PM20D1: variants seen among roughly 807,000 people sequenced by gnomAD.
The protein encoded by PM20D1 is peptidase M20 domain containing 1.
A neutral mutation model predicts 53.8 loss-of-function variants in PM20D1; 53 were observed. That is an observed-to-expected ratio of 0.98 (90% CI 0.79 to 1.24). PM20D1 has a LOEUF of 1.24. Among genes scored for constraint, PM20D1 ranks in the 50% most tolerant of loss-of-function variants. The probability of loss-of-function intolerance (pLI) is 0.00; values close to 1 mark genes in which losing one functional copy is unlikely to be tolerated. For missense variants in PM20D1, 564 were observed against 616.8 expected, an observed-to-expected ratio of 0.91 and a Z score of 0.91; for synonymous variants, 239 against 241.3, an observed-to-expected ratio of 0.99 and a Z score of 0.09.
At chr1:205,842,316 T>G in intron 7 of PM20D1, 101 bp from the exon 8 acceptor site, 1 of 1,093,256 alleles carries the variant, frequency 9.1e-7, no homozygotes, top group South Asian at 1.3e-5. Flanking sequence ...CAGGGGCCCT[T>G]AGCAGTCAGG....
chr1:205,834,501 C>G (rs1041999306), intron 10 of PM20D1, among the ~76,000 whole-genome samples: 4 of 152,120 alleles, frequency 2.6e-5, no homozygotes, highest in African/African-American at 9.7e-5. Context: ...GGAGTTGAGT[C>G]TGGAGAGGAA....
intron 1 of PM20D1, among the ~76,000 whole-genome samples, chr1:205,848,766 C>T (rs1657060917): frequency 6.6e-6 from 1 of 152,198 alleles, no homozygotes; most frequent in Non-Finnish European, 1.5e-5. Flanking sequence ...CTCTGAAAGA[C>T]AAACTTCATC....
In PM20D1 at chr1:205,832,689, G is replaced by A. The variant is rs746740274; in HGVS notation, c.1194C>T (p.Pro398=). ...AGGCCTTGTCATCAGAAGGGCTGACGGGGAGGGGGTCAAAGGCACTCAACA... is the reference window on the plus strand; with the variant it reads ...AGGCCTTGTCATCAGAAGGGCTGACAGGGAGGGGGTCAAAGGCACTCAACA... ...FHVLSAFDPL[P]VSPSDDKALG... is the part of the protein sequence containing the mutation. Residue 398 remains proline, a synonymous_variant, in exon 11 of 13, where the codon CCC becomes CCT. Transcript: ENST00000367136. 15 of 1,613,946 alleles carry A rather than the reference G, an allele frequency of 9.3e-6. No homozygotes were observed. Among genetic ancestry groups the A allele is most frequent in the East Asian group, 6.7e-5 (3 of 44,898 alleles).
chr1:205,837,479 T>C (rs911449474), intron 10 of PM20D1, among the ~76,000 whole-genome samples: 2 of 152,208 alleles, frequency 1.3e-5, no homozygotes, highest in Non-Finnish European at 1.5e-5. Flanking sequence ...GCTGGAGACC[T>C]ATCTACAACT....
In PM20D1 at chr1:205,842,502, C is replaced by T. The variant is rs1656835831; in HGVS notation, c.903+174G>A. 1.3e-5 allele frequency among the ~76,000 whole-genome samples: 2 copies of T among 152,236 alleles called. 1 individual carries two copies. The highest frequency in any genetic ancestry group is 4.1e-4 in the South Asian group (2 of 4,828). On this transcript the variant is annotated intron_variant, in intron 7 of 12. Coordinates refer to ENST00000367136, the MANE Select transcript of PM20D1 (RefSeq NM_152491.5). ...TCTTAGGGTCTCAGAAACACACTAACAGCCGTAGAGAACAAGCCAGATCCC... is the reference window on the plus strand; with the variant it reads ...TCTTAGGGTCTCAGAAACACACTAATAGCCGTAGAGAACAAGCCAGATCCC...
rs1210950148 is a variant in PM20D1, at chr1:205,842,056, G to A, written c.965+98C>T. The A allele has an allele frequency of 3.8e-6, 5 of 1,302,292 alleles. No individual in the cohort carries two copies. In the Admixed American group the frequency reaches 8.7e-5, roughly 23 times the overall value. The allele number at this position is 1,302,292 out of a possible 1,614,324, so 80.7% of individuals were successfully genotyped here. A position where few individuals can be genotyped will look rare whatever the true frequency, so the allele number is the denominator to read the frequency against. ...TAGAGATGCAGTATCTGGTGGCTGA[G>A]GGATGATTAGTCAGGCCCAGTTAAG... On this transcript the variant is annotated intron_variant, in intron 8 of 12. Transcript: ENST00000367136.
intron 10 of PM20D1, among the ~76,000 whole-genome samples, chr1:205,839,412 C>G (rs1248707214): frequency 1.3e-5 from 2 of 152,160 alleles, no homozygotes; most frequent in Non-Finnish European, 2.9e-5. Flanking sequence ...AGCACAAACT[C>G]TGGAACTAGA....
Position 205,839,580 on chromosome 1 carries a change from T to C in PM20D1, c.1116+672A>G, listed in dbSNP as rs150805256. On this transcript the variant is annotated intron_variant, in intron 10 of 12. Transcript: ENST00000367136. ...GCCAAATATGGCTGGGTGTGGTGGC[T>C]CATGTCTGTAATCCCAACCCTTTGG... Among the ~76,000 whole-genome samples, 1,495 of 151,980 alleles carry C rather than the reference T, an allele frequency of 9.8e-3. 16 individuals carry two copies. Among genetic ancestry groups the C allele is most frequent in the Non-Finnish European group, 0.014 (957 of 67,948 alleles).
At chr1:205,845,204 C>G (rs1656922253) in intron 3 of PM20D1, 121 bp downstream of exon 3, 6 of 1,009,194 alleles carry the variant, frequency 5.9e-6, no homozygotes, top group Non-Finnish European at 7.4e-6. Context: ...TGGCTGGAAC[C>G]CAGGTCTCCT....
At chr1:205,830,554 A>G (rs1355358368) in intron 11 of PM20D1, among the ~76,000 whole-genome samples, 175 bp from the exon 12 acceptor site, 4 of 150,210 alleles carry the variant, frequency 2.7e-5, no homozygotes, top group African/African-American at 4.9e-5. Flanking sequence ...AGCCAGGAAC[A>G]TGGAATCTCC....
Position 205,849,896 on chromosome 1 carries a change from G to C in PM20D1, c.169+8C>G. 6.2e-7 allele frequency: 1 copy of C among 1,609,004 alleles called. No homozygotes were observed. Among genetic ancestry groups the C allele is most frequent in the Non-Finnish European group, 8.5e-7 (1 of 1,176,426 alleles). ...GAGCATAGGTGGGTGAAGGGGACCC[G>C]GGTTCACCTTTCAGCGCCTCTTTCA... On this transcript the variant is annotated splice_region_variant and intron_variant, in intron 1 of 12. Transcript: ENST00000367136.
rs569307149 is a variant in PM20D1, at chr1:205,834,545, A to G, written c.1117-1779T>C. On this transcript the variant is annotated intron_variant, in intron 10 of 12. Transcript: ENST00000367136. ...TCCCACTTCTGGCTTAGAAACCACC[A>G]TTTGAATCAAAACAAATATCCTGCT... Among the ~76,000 whole-genome samples the G allele has an allele frequency of 3.3e-5, 5 of 152,322 alleles. No homozygotes were observed. In the East Asian group the frequency reaches 9.6e-4, roughly 29 times the overall value.
Position 205,842,752 on chromosome 1 carries a change from C to A in PM20D1, c.828-1G>T, listed in dbSNP as rs1362355044. 1 of 1,613,880 alleles carries A rather than the reference C, an allele frequency of 6.2e-7. No homozygotes were observed. Among genetic ancestry groups the A allele is most frequent in the South Asian group, 1.1e-5 (1 of 91,076 alleles). On this transcript the variant is annotated splice_acceptor_variant, in intron 6 of 12. Transcript: ENST00000367136. LOFTEE classifies it high-confidence loss of function. The stretch of plus-strand genomic sequence containing the variant: ...GATAGGCATTGGTGTCTGCTCCAAT[C>A]TGGAAGAGAAACAGAGTCCTCAAGA...
intron 2 of PM20D1, 38 bp from the exon 3 acceptor site, chr1:205,845,595 A>G: frequency 6.5e-7 from 1 of 1,550,118 alleles, no homozygotes; most frequent in Non-Finnish European, 8.9e-7. Context: ...AACCAGGGTT[A>G]ACAGTTTCCT....
chr1:205,844,058 C>A, intron 5 of PM20D1, 29 bp downstream of exon 5: 1 of 1,588,148 alleles, frequency 6.3e-7, no homozygotes, highest in Non-Finnish European at 8.6e-7. Flanking sequence ...GAATTCCCTC[C>A]AAGGTGTGGG....
In PM20D1 at chr1:205,828,589, G is replaced by T; in HGVS notation, c.*31C>A. 1.2e-6 allele frequency: 2 copies of T among 1,613,102 alleles called. No homozygotes were observed. Among genetic ancestry groups the T allele is most frequent in the South Asian group, 2.2e-5 (2 of 90,974 alleles). ...CTTGGGTTAGTCCTGTCCCGGGGTC[G>T]GGCATGCCTAACCCAGCAGGCCCCT... On this transcript the variant is annotated 3_prime_UTR_variant, in exon 13 of 13. Coordinates refer to ENST00000367136, the MANE Select transcript of PM20D1 (RefSeq NM_152491.5).
chr1:205,844,061 G>A (rs1052240856), intron 5 of PM20D1, 26 bp downstream of exon 5: 2 of 1,591,542 alleles, frequency 1.3e-6, no homozygotes, highest in Non-Finnish European at 1.7e-6. Context: ...TTCCCTCCAA[G>A]GTGTGGGGTG....
chr1:205,842,241 C>G, intron 7 of PM20D1, 26 bp from the exon 8 acceptor site: 1 of 1,594,588 alleles, frequency 6.3e-7, no homozygotes, highest in South Asian at 1.1e-5. Context: ...GTCAGCACCA[C>G]AGGGTCACCT....
rs754028105 is a variant in PM20D1, at chr1:205,845,599, GT to G, written c.257-43del. The G allele has an allele frequency of 2.9e-5, 44 of 1,517,782 alleles. No homozygotes were observed. The South Asian group carries it at 4.6e-4, about 16-fold the overall frequency. 94.0% of individuals were successfully genotyped at this position (1,517,782 alleles called of 1,614,324 possible). A position where few individuals can be genotyped will look rare whatever the true frequency, so the allele number is the denominator to read the frequency against. On this transcript the variant is annotated intron_variant, in intron 2 of 12. Coordinates refer to ENST00000367136, the MANE Select transcript of PM20D1 (RefSeq NM_152491.5). ...CAGGAAGAGAGAACCAGGGTTAACA[GT>G]TTCCTTAGGTTTTCCTACCAAGTTG...
Sources: allele counts gnomAD v4.1 joint callset (sites outside exome capture counted in the v4.1 genomes callset), GRCh38; gene constraint gnomAD v4.1.1; transcripts MANE v1.5; gene names NCBI Gene and HGNC (gene_info 2026-07-23, HGNC 2026-07-21).